The following MTFR1 variants were observed in gnomAD, a reference collection of about 807,000 sequenced individuals.
MTFR1 encodes the protein mitochondrial fission regulator 1.
MTFR1 carries 28 observed loss-of-function variants against 38.8 expected under a neutral mutation model. The observed-to-expected ratio is 0.72, with a 90% confidence interval of 0.53 to 0.99. The LOEUF (loss-of-function observed/expected upper bound fraction) is 0.99, where lower values mean the gene tolerates loss of function less well. Ranked by LOEUF, MTFR1 falls within the 50% of genes least tolerant of loss-of-function variation. MTFR1 has a pLI of 0.00. For missense variants in MTFR1, 358 were observed against 395.5 expected (o/e 0.91, Z 0.81); for synonymous variants, 145 against 137.0 (o/e 1.06, Z -0.41).
At chr8:65,699,760 CTACCCTTCTGTGTTTATAACT>C (rs1219309765) in intron 4 of MTFR1, among the ~76,000 whole-genome samples, 1 of 152,220 alleles carries the variant, frequency 6.6e-6, no homozygotes, top group Non-Finnish European at 1.5e-5. Context: ...CGAATGGAAT[CTACCCTTCTGTGTTTATAACT>C]TACAGTTTAA....
chr8:65,661,023 C>CCATA (rs1196910942), intron 1 of MTFR1, among the ~76,000 whole-genome samples: 1 of 152,118 alleles, frequency 6.6e-6, no homozygotes, highest in East Asian at 1.9e-4. Context: ...AAAGGCAAAA[C>CCATA]TATGGAGACA....
chr8:65,661,501 G>A (rs572778803), intron 1 of MTFR1, among the ~76,000 whole-genome samples: 2 of 152,218 alleles, frequency 1.3e-5, no homozygotes, highest in East Asian at 1.9e-4. Context: ...GCCGGGTGCT[G>A]TGGTGCATGC....
At chr8:65,778,070 G>A in the MTFR1 span, among the ~76,000 whole-genome samples, 1 of 152,186 alleles carries the variant, frequency 6.6e-6, no homozygotes, top group Non-Finnish European at 1.5e-5. Context: ...ACAGATGGGA[G>A]ATTAAAAAGG....
At chr8:65,673,452 G>A (rs2129051803) in intron 2 of MTFR1, among the ~76,000 whole-genome samples, 1 of 151,104 alleles carries the variant, frequency 6.6e-6, no homozygotes, top group Non-Finnish European at 1.5e-5. Context: ...AGGGAAGGGG[G>A]AGCATTAGGA....
chr8:65,771,900 AAAAAAAAG>A (rs1164618965), downstream of MTFR1, among the ~76,000 whole-genome samples: 4 of 151,302 alleles, frequency 2.6e-5, no homozygotes, highest in East Asian at 7.7e-4. Flanking sequence ...AAAAAAAAAA[AAAAAAAAG>A]AAGAAGAAGA....
intron 4 of MTFR1, among the ~76,000 whole-genome samples, chr8:65,703,062 A>G (rs184841183): frequency 1.2e-3 from 186 of 152,070 alleles, no homozygotes; most frequent in Middle Eastern, 0.01. Flanking sequence ...AAGAAACATC[A>G]GTTAACTGTT....
At position 65,653,234 on chromosome 8, in the gene MTFR1, C is replaced by G. The variant is rs202096805; in HGVS notation, c.-81+8450C>G. 3.5e-4 allele frequency among the ~76,000 whole-genome samples: 54 copies of G among 152,238 alleles called. No homozygotes were observed. In the East Asian group the frequency reaches 0.01, roughly 29 times the overall value. Reference sequence around the variant, plus strand: ...AAAAATGAGTTTATTTAAGATCGAGCACAGTGGCACACGCCTGTAATCCCA... The same window carrying G: ...AAAAATGAGTTTATTTAAGATCGAGGACAGTGGCACACGCCTGTAATCCCA... On this transcript the variant is annotated intron_variant, in intron 1 of 7. Transcript: ENST00000262146.
intron 1 of MTFR1, among the ~76,000 whole-genome samples, chr8:65,664,498 AGGT>A (rs895772610): frequency 6.7e-6 from 1 of 150,144 alleles, no homozygotes; most frequent in Non-Finnish European, 1.5e-5. Context: ...GTCTAGATCT[AGGT>A]GGTGGTTACA....
intron 1 of MTFR1, among the ~76,000 whole-genome samples, chr8:65,646,095 T>C (rs1808959122): frequency 6.6e-6 from 1 of 152,248 alleles, no homozygotes; most frequent in African/African-American, 2.4e-5. Context: ...AGTAGTGCTC[T>C]TGCTTTTGAA....
chr8:65,764,222 G>C (rs939925350), intron 3 of MTFR1, among the ~76,000 whole-genome samples: 1 of 152,122 alleles, frequency 6.6e-6, no homozygotes, highest in Non-Finnish European at 1.5e-5. Context: ...CTGGGATATC[G>C]CCATAAACTA....
chr8:65,653,460 T>C (rs1761715981), intron 1 of MTFR1, among the ~76,000 whole-genome samples: 1 of 152,100 alleles, frequency 6.6e-6, no homozygotes, highest in Non-Finnish European at 1.5e-5. Flanking sequence ...TGCAGTTAGC[T>C]GTTATCGTGC....
At chr8:65,708,885 C>A in intron 7 of MTFR1, 91 bp from the exon 8 acceptor site, 1 of 1,286,120 alleles carries the variant, frequency 7.8e-7, no homozygotes, top group Non-Finnish European at 1.1e-6. Flanking sequence ...CAGAACATAC[C>A]CAGCCCTCTA....
chr8:65,706,234 T>C lies in MTFR1; in HGVS notation c.518-776T>C, dbSNP rs560687442. Among the ~76,000 whole-genome samples, 14 of 152,352 alleles carry C rather than the reference T, an allele frequency of 9.2e-5. No homozygotes were observed. In the South Asian group the frequency reaches 2.9e-3, roughly 32 times the overall value. On this transcript the variant is annotated intron_variant, in intron 5 of 7. Coordinates refer to ENST00000262146, the MANE Select transcript of MTFR1 (RefSeq NM_014637.4). ...TTTTTCCTTTTGCTTTACCTCCCTC[T>C]TCTGGCTGACTGGGAAAGTGCTACC...
At chr8:65,658,358 A>G (rs1249590237) in intron 1 of MTFR1, among the ~76,000 whole-genome samples, 1 of 152,176 alleles carries the variant, frequency 6.6e-6, no homozygotes, top group Non-Finnish European at 1.5e-5. Context: ...TGAAGACAGT[A>G]TTATTTTGTA....
intron 3 of MTFR1, among the ~76,000 whole-genome samples, chr8:65,730,471 A>T (rs1301259133): frequency 6.6e-6 from 1 of 151,880 alleles, no homozygotes; most frequent in South Asian, 2.1e-4. Flanking sequence ...TGAGCCACCA[A>T]GCCCAGCCAG....
chr8:65,655,970 C>CATATATATATATATATATGTAT (rs1367084824), intron 1 of MTFR1, among the ~76,000 whole-genome samples: 1 of 53,624 alleles, frequency 1.9e-5, no homozygotes, highest in African/African-American at 1.0e-4. Context: ...ATATATATAC[C>CATATATATATATATATATGTAT]ATATATATAT....
intron 3 of MTFR1, among the ~76,000 whole-genome samples, chr8:65,742,589 A>G (rs563963304): frequency 6.6e-6 from 1 of 152,334 alleles, no homozygotes; most frequent in Non-Finnish European, 1.5e-5. Flanking sequence ...AGAAGGGAAA[A>G]CTATACACTT....
At chr8:65,754,211 A>C (rs1384800276) in intron 3 of MTFR1, among the ~76,000 whole-genome samples, 1 of 151,998 alleles carries the variant, frequency 6.6e-6, no homozygotes, top group Non-Finnish European at 1.5e-5. Context: ...CTTGCTTTAT[A>C]GTCTAGCCAC....
intron 3 of MTFR1, among the ~76,000 whole-genome samples, chr8:65,769,887 ACT>A (rs1808994086): frequency 1.3e-5 from 2 of 152,130 alleles, no homozygotes; most frequent in South Asian, 4.1e-4. Flanking sequence ...CAAGAGTGAA[ACT>A]CTGTCTCAAA....
Sources: allele counts gnomAD v4.1 joint callset (sites outside exome capture counted in the v4.1 genomes callset), GRCh38; gene constraint gnomAD v4.1.1; transcripts MANE v1.5; gene names NCBI Gene and HGNC (gene_info 2026-07-23, HGNC 2026-07-21).